FAM13B: variants seen among roughly 807,000 people sequenced by gnomAD.
FAM13B encodes family with sequence similarity 13 member B.
In FAM13B, 60 loss-of-function variants were observed where a neutral mutation model predicts 117.3. The ratio of observed to expected loss-of-function variants is 0.51; its 90% CI spans 0.42 to 0.63. FAM13B has a LOEUF of 0.63. Ranked by LOEUF, FAM13B falls within the 30% of genes least tolerant of loss-of-function variation. FAM13B has a pLI of 0.00. For missense variants in FAM13B, 972 were observed against 1,091.9 expected, an observed-to-expected ratio of 0.89 and a Z score of 1.55; for synonymous variants, 332 against 356.1, an observed-to-expected ratio of 0.93 and a Z score of 0.76.
chr5:138,019,682 ATTT>A (rs5871660), intron 2 of FAM13B, among the ~76,000 whole-genome samples: 1 of 142,240 alleles, frequency 7.0e-6, no homozygotes, highest in Non-Finnish European at 1.6e-5. Context: ...GCTGTAATAA[ATTT>A]TTTTTTTTTT....
chr5:137,946,597 T>G (rs1216243017), intron 18 of FAM13B, among the ~76,000 whole-genome samples: 1 of 152,234 alleles, frequency 6.6e-6, no homozygotes, highest in Admixed American at 6.5e-5. Context: ...ACCTAACCTC[T>G]TTGTATTCAA....
At chr5:137,998,181 A>G (rs1780313398) in intron 7 of FAM13B, among the ~76,000 whole-genome samples, 1 of 152,226 alleles carries the variant, frequency 6.6e-6, no homozygotes, top group South Asian at 2.1e-4. Flanking sequence ...TTTAATGCTC[A>G]AATAAACTTA....
At chr5:137,985,484 T>C (rs1004962793) in intron 9 of FAM13B, 95 bp from the exon 10 acceptor site, 3 of 1,241,798 alleles carry the variant, frequency 2.4e-6, no homozygotes, top group Non-Finnish European at 3.3e-6. Flanking sequence ...ATCTGAAACT[T>C]TTACTTGTTA....
chr5:137,977,108 G>C (rs542173945), intron 10 of FAM13B, among the ~76,000 whole-genome samples: 1 of 152,092 alleles, frequency 6.6e-6, no homozygotes, highest in South Asian at 2.1e-4. Context: ...TGGCCTCCTT[G>C]GGTGTGGCCA....
At chr5:138,021,480 C>T (rs985378213) in intron 1 of FAM13B, among the ~76,000 whole-genome samples, 2 of 152,144 alleles carry the variant, frequency 1.3e-5, no homozygotes, top group African/African-American at 2.4e-5. Context: ...TTCAAATAAT[C>T]CATTTTCCTC....
At chr5:137,955,053 A>C (rs1422888459) in intron 14 of FAM13B, among the ~76,000 whole-genome samples, 1 of 127,290 alleles carries the variant, frequency 7.9e-6, no homozygotes, top group Non-Finnish European at 1.7e-5. Flanking sequence ...TTTTCAAAAG[A>C]TGTTTTATTT....
intron 20 of FAM13B, among the ~76,000 whole-genome samples, chr5:137,944,238 G>T (rs1477293927): frequency 6.6e-6 from 1 of 151,974 alleles, no homozygotes; most frequent in Non-Finnish European, 1.5e-5. Context: ...GAGTGTACGG[G>T]TTACCACATC....
intron 10 of FAM13B, among the ~76,000 whole-genome samples, chr5:137,974,334 T>A (rs1386702455): frequency 1.3e-5 from 2 of 151,440 alleles, no homozygotes; most frequent in African/African-American, 4.9e-5. Flanking sequence ...TTGGAAATCA[T>A]CATTCTCAGT....
At chr5:138,007,285 GAGTAAGTAA>G in intron 6 of FAM13B, 138 bp from the exon 7 acceptor site, 3 of 631,762 alleles carry the variant, frequency 4.7e-6, no homozygotes, top group Non-Finnish European at 7.6e-6. Context: ...CTCTCTTATG[GAGTAAGTAA>G]CTGTCAACTT....
At chr5:137,946,340 T>TAAAAAAAAAAAAAAAAAAAA in intron 18 of FAM13B, 29 bp from the exon 19 acceptor site, 1 of 1,219,550 alleles carries the variant, frequency 8.2e-7, no homozygotes, top group East Asian at 2.9e-5. Flanking sequence ...AATAACAAAA[T>TAAAAAAAAAAAAAAAAAAAA]ACAAAAAAAA....
chr5:137,964,613 C>T (rs758306636), intron 10 of FAM13B, among the ~76,000 whole-genome samples: 17 of 151,646 alleles, frequency 1.1e-4, no homozygotes, highest in Non-Finnish European at 2.2e-4. Context: ...CCCAGCTACT[C>T]GGGAGACTGA....
intron 7 of FAM13B, among the ~76,000 whole-genome samples, chr5:137,997,168 T>C (rs1009085155): frequency 6.6e-6 from 1 of 152,160 alleles, no homozygotes; most frequent in African/African-American, 2.4e-5. Context: ...ATTTGTACAT[T>C]TAAATATAAA....
chr5:137,971,078 C>A (rs1175610584), intron 10 of FAM13B, among the ~76,000 whole-genome samples: 1 of 151,720 alleles, frequency 6.6e-6, no homozygotes, highest in East Asian at 1.9e-4. Context: ...CAAGGATACC[C>A]AGGAATTGAA....
Position 137,942,038 on chromosome 5 carries a change from A to C in FAM13B, c.2596T>G (p.Leu866Val). The C allele has an allele frequency of 6.2e-7, 1 of 1,613,346 alleles. No individual in the cohort carries two copies. ...SSSRAASMPE[L>V]LEQLWKARAE... Reference sequence around the variant, plus strand: ...CTGGCTTTCCAAAGTTGTTCCAATAATTCAGGCCTAGAATTGAAATGGTAA... The same window carrying C: ...CTGGCTTTCCAAAGTTGTTCCAATACTTCAGGCCTAGAATTGAAATGGTAA... Residue 866 changes from leucine (L) to valine (V), a missense_variant, in exon 23 of 24, where the codon TTA (leucine) becomes GTA (valine). Transcript: ENST00000689681.
At chr5:137,957,682 G>A (rs17647439) in intron 13 of FAM13B, among the ~76,000 whole-genome samples, 2,976 of 152,190 alleles carry the variant, frequency 0.02, 44 homozygotes, top group South Asian at 0.057. Flanking sequence ...TGGGAAGTTC[G>A]CTCAGGTGTC....
At chr5:138,030,240 T>A (rs1207628379) in intron 1 of FAM13B, among the ~76,000 whole-genome samples, 1 of 152,114 alleles carries the variant, frequency 6.6e-6, no homozygotes, top group Admixed American at 6.6e-5. Context: ...AAAATATTCA[T>A]CACAGGTTTC....
At chr5:137,967,096 A>G (rs1262014041) in intron 10 of FAM13B, among the ~76,000 whole-genome samples, 1 of 151,940 alleles carries the variant, frequency 6.6e-6, no homozygotes, top group East Asian at 1.9e-4. Context: ...ATTAAAACCT[A>G]AAATCTTAAA....
intron 10 of FAM13B, among the ~76,000 whole-genome samples, chr5:137,977,438 T>A (rs1197854869): frequency 6.6e-6 from 1 of 152,164 alleles, no homozygotes; most frequent in Non-Finnish European, 1.5e-5. Context: ...AAATCCCTAA[T>A]AAAAACTTGC....
chr5:138,028,836 T>C (rs951507580), intron 1 of FAM13B, among the ~76,000 whole-genome samples: 14 of 152,116 alleles, frequency 9.2e-5, no homozygotes, highest in African/African-American at 3.4e-4. Context: ...GTGGCCAACA[T>C]GGTGAAACCC....
Sources: gnomAD v4.1 joint callset for allele counts (sites outside exome capture counted in the v4.1 genomes callset) on GRCh38, gnomAD v4.1.1 for gene constraint, MANE v1.5 for transcripts, NCBI Gene and HGNC (gene_info 2026-07-23, HGNC 2026-07-21) for gene names.